TBL1XR1: variants seen among roughly 807,000 people sequenced by gnomAD.
The protein encoded by TBL1XR1 is TBL1X/Y related 1.
A neutral mutation model predicts 66.9 loss-of-function variants in TBL1XR1; 5 were observed. The observed-to-expected ratio is 0.07, with a 90% confidence interval of 0.04 to 0.16. TBL1XR1 has a LOEUF of 0.16. Ranked by LOEUF, TBL1XR1 falls within the 10% of genes least tolerant of loss-of-function variation. The pLI is 1.00. For missense variants in TBL1XR1, 238 were observed against 623.2 expected, an observed-to-expected ratio of 0.38 and a Z score of 6.58; for synonymous variants, 210 against 206.0, an observed-to-expected ratio of 1.02 and a Z score of -0.17.
chr3:177,059,476 T>C (rs1364117937), intron 3 of TBL1XR1, among the ~76,000 whole-genome samples: 1 of 152,170 alleles, frequency 6.6e-6, no homozygotes, highest in African/African-American at 2.4e-5. Context: ...AAAATAATAG[T>C]ATATGGTTCT....
At chr3:177,149,799 C>A (rs1022371039) in intron 1 of TBL1XR1, among the ~76,000 whole-genome samples, 1 of 152,144 alleles carries the variant, frequency 6.6e-6, no homozygotes. Context: ...GGAACACAGC[C>A]GTGCTTATTC....
chr3:177,101,903 T>C (rs1481841156), intron 1 of TBL1XR1, among the ~76,000 whole-genome samples: 4 of 152,190 alleles, frequency 2.6e-5, no homozygotes, highest in Non-Finnish European at 5.9e-5. Context: ...TACATGACTC[T>C]CTTATACTAG....
At chr3:177,172,044 T>C (rs945772759) in intron 1 of TBL1XR1, among the ~76,000 whole-genome samples, 1 of 151,766 alleles carries the variant, frequency 6.6e-6, no homozygotes, top group Non-Finnish European at 1.5e-5. Context: ...GGCAGGCGGA[T>C]AGGTCAGGAG....
intron 2 of TBL1XR1, among the ~76,000 whole-genome samples, chr3:177,071,199 T>A (rs886439481): frequency 6.6e-6 from 1 of 151,918 alleles, no homozygotes; most frequent in African/African-American, 2.4e-5. Context: ...CCCGGCTAAT[T>A]TTTTGTATTT....
chr3:177,075,650 C>T, intron 2 of TBL1XR1, among the ~76,000 whole-genome samples: 1 of 152,182 alleles, frequency 6.6e-6, no homozygotes, highest in East Asian at 1.9e-4. Context: ...CCCCTCTCCT[C>T]CTGCCATCTA....
Position 177,094,755 on chromosome 3 carries a change from G to A in TBL1XR1, c.-46+3711C>T, listed in dbSNP as rs1270143832. On this transcript the variant is annotated intron_variant, in intron 2 of 15. Coordinates refer to ENST00000457928, the MANE Select transcript of TBL1XR1 (RefSeq NM_024665.7). ...ACGTTGCATGTTCTCACTCATAAGTGAGAGCGAAGCTATGAGGAGGATGCA... is the reference window on the plus strand; with the variant it reads ...ACGTTGCATGTTCTCACTCATAAGTAAGAGCGAAGCTATGAGGAGGATGCA... Among the ~76,000 whole-genome samples the A allele has an allele frequency of 4.6e-5, 7 of 152,294 alleles. No homozygotes were observed. The East Asian group carries it at 9.7e-4, about 21-fold the overall frequency.
At position 177,040,214 on chromosome 3, in the gene TBL1XR1, C is replaced by T. The variant is rs149132621; in HGVS notation, c.926-1780G>A. 6.6e-5 allele frequency among the ~76,000 whole-genome samples: 10 copies of T among 152,250 alleles called. No homozygotes were observed. In the East Asian group the frequency reaches 1.9e-3, roughly 29 times the overall value. On this transcript the variant is annotated intron_variant, in intron 10 of 15. Transcript: ENST00000457928. ...CCTATAGTCCCAGCTACTTGGAAGG[C>T]TGAGGCAGGAGGACTGCTTGAGCTG...
At chr3:177,112,504 AT>A (rs1364053860) in intron 1 of TBL1XR1, among the ~76,000 whole-genome samples, 1 of 152,104 alleles carries the variant, frequency 6.6e-6, no homozygotes, top group African/African-American at 2.4e-5. Context: ...ATGCATACAG[AT>A]TGAGATCGGA....
chr3:177,112,846 T>C (rs1373516590), intron 1 of TBL1XR1, among the ~76,000 whole-genome samples: 1 of 151,846 alleles, frequency 6.6e-6, no homozygotes, highest in Non-Finnish European at 1.5e-5. Flanking sequence ...CTACTAAAAA[T>C]ACAAAAATTA....
At chr3:177,082,738 T>TAATATATATATATATATATA (rs1721561508) in intron 2 of TBL1XR1, among the ~76,000 whole-genome samples, 1 of 63,234 alleles carries the variant, frequency 1.6e-5, no homozygotes, top group African/African-American at 6.4e-5. Context: ...AAGATAGAGA[T>TAATATATATATATATATATA]TATATATATA....
chr3:177,023,802 G>T lies in TBL1XR1; in HGVS notation c.*1696C>A, dbSNP rs1282364294. 2 of 152,340 alleles carry T rather than the reference G, an allele frequency of 1.3e-5. No individual in the cohort carries two copies. The highest frequency in any genetic ancestry group is 6.6e-5 in the Admixed American group (1 of 15,252). 9.4% of individuals were successfully genotyped at this position (152,340 alleles called of 1,614,324 possible). A position where few individuals can be genotyped will look rare whatever the true frequency, so the allele number is the denominator to read the frequency against. ...CAGGTTAAAATTTTAGTACTAAAAG[G>T]CCTCAAAATAATTAGTGACAGAAAT... On this transcript the variant is annotated 3_prime_UTR_variant, in exon 16 of 16. Coordinates refer to ENST00000457928, the MANE Select transcript of TBL1XR1 (RefSeq NM_024665.7).
intron 1 of TBL1XR1, among the ~76,000 whole-genome samples, chr3:177,182,136 C>T (rs1410475902): frequency 3.9e-5 from 6 of 152,222 alleles, no homozygotes; most frequent in Non-Finnish European, 5.9e-5. Context: ...ATTGTAATCC[C>T]AGCAGTTTGG....
At chr3:177,028,047 T>C (rs1284704496) in intron 14 of TBL1XR1, among the ~76,000 whole-genome samples, 2 of 152,144 alleles carry the variant, frequency 1.3e-5, no homozygotes, top group Non-Finnish European at 2.9e-5. Flanking sequence ...AACTGGGCTA[T>C]AACGAACCAA....
chr3:177,201,229 G>A (rs1454557953), upstream of TBL1XR1, among the ~76,000 whole-genome samples: 1 of 151,766 alleles, frequency 6.6e-6, no homozygotes, highest in Non-Finnish European at 1.5e-5. Context: ...TGACCAACAT[G>A]GTGAAACCCC....
chr3:177,112,107 A>ATATATATATATATATATATTTTTTT, intron 1 of TBL1XR1, among the ~76,000 whole-genome samples: 2 of 37,652 alleles, frequency 5.3e-5, no homozygotes, highest in Non-Finnish European at 8.9e-5. Flanking sequence ...ATATATATAT[A>ATATATATATATATATATATTTTTTT]TTTTTTTTTT....
chr3:177,180,376 C>G (rs976202082), intron 1 of TBL1XR1, among the ~76,000 whole-genome samples: 6 of 137,966 alleles, frequency 4.3e-5, no homozygotes, highest in Non-Finnish European at 6.3e-5. Context: ...GTTCATTCCC[C>G]CCCCCCCCAT....
Position 177,118,641 on chromosome 3 carries a change from AT to A in TBL1XR1, c.-121-20101del, listed in dbSNP as rs1726601188. Reference sequence around the variant, plus strand: ...ATGCTGTCAAATATCATAGTTCTTCATTCATTTAATAACTAGTTACTGAATG... The same window carrying A: ...ATGCTGTCAAATATCATAGTTCTTCATCATTTAATAACTAGTTACTGAATG... On this transcript the variant is annotated intron_variant, in intron 1 of 15. Transcript: ENST00000457928. 3.3e-5 allele frequency among the ~76,000 whole-genome samples: 5 copies of A among 152,216 alleles called. No homozygotes were observed. In the South Asian group the frequency reaches 1.0e-3, roughly 32 times the overall value.
chr3:177,176,586 G>A (rs1041258512), intron 1 of TBL1XR1, among the ~76,000 whole-genome samples: 2 of 150,620 alleles, frequency 1.3e-5, no homozygotes, highest in Non-Finnish European at 3.0e-5. Context: ...GCCAAGGCAG[G>A]TGAATCACCT....
chr3:177,051,715 C>T lies in TBL1XR1; in HGVS notation c.216G>A (p.Leu72=), dbSNP rs2108497392. 1 of 1,577,226 alleles carries T rather than the reference C, an allele frequency of 6.3e-7. No individual in the cohort carries two copies. Among genetic ancestry groups the T allele is most frequent in the African/African-American group, 1.4e-5 (1 of 73,970 alleles). ...AEVSINEDGT[L]FDGRPIESLS... is the part of the protein sequence containing the mutation. ...GAGACTCTATTGGTCGACCATCAAACAAGGTACCATCCTGGATTTGGAAAA... is the reference window on the plus strand; with the variant it reads ...GAGACTCTATTGGTCGACCATCAAATAAGGTACCATCCTGGATTTGGAAAA... The change falls in exon 5 of 16, where the codon TTG becomes TTA. Residue 72 remains leucine, a synonymous_variant. Coordinates refer to ENST00000457928, the MANE Select transcript of TBL1XR1 (RefSeq NM_024665.7).
Sources: allele counts gnomAD v4.1 joint callset (sites outside exome capture counted in the v4.1 genomes callset), GRCh38; gene constraint gnomAD v4.1.1; transcripts MANE v1.5; gene names NCBI Gene and HGNC (gene_info 2026-07-23, HGNC 2026-07-21).